Variants in MPHOSPH8 observed in about 807,000 individuals in gnomAD.
The protein encoded by MPHOSPH8 is M-phase phosphoprotein, mpp.
A neutral mutation model predicts 87.3 loss-of-function variants in MPHOSPH8; 45 were observed. The observed-to-expected ratio is 0.52, with a 90% confidence interval of 0.41 to 0.66. The LOEUF (loss-of-function observed/expected upper bound fraction) is 0.66. MPHOSPH8 is among the 30% of genes least tolerant of loss of function. The probability of loss-of-function intolerance (pLI) is 0.00; values close to 1 mark genes in which losing one functional copy is unlikely to be tolerated. For synonymous variants in MPHOSPH8, 366 were observed against 376.9 expected, an observed-to-expected ratio of 0.97 and a Z score of 0.33; for missense variants, 883 against 1,020.2, an observed-to-expected ratio of 0.87 and a Z score of 1.83.
intron 10 of MPHOSPH8, 85 bp from the exon 11 acceptor site, chr13:19,668,292 T>G (rs1054952395): frequency 3.3e-6 from 4 of 1,229,776 alleles, no homozygotes; most frequent in Non-Finnish European, 3.4e-6. Flanking sequence ...TTTGGAAGGT[T>G]GGCCTGGGAA....
chr13:19,648,354 G>T, intron 3 of MPHOSPH8, 68 bp from the exon 4 acceptor site: 1 of 980,450 alleles, frequency 1.0e-6, no homozygotes, highest in South Asian at 1.6e-5. Flanking sequence ...TGTATTTTCC[G>T]GTTCTCAAAT....
At chr13:19,656,960 A>C (rs1875214589) in intron 5 of MPHOSPH8, among the ~76,000 whole-genome samples, 1 of 147,820 alleles carries the variant, frequency 6.8e-6, no homozygotes, top group African/African-American at 2.5e-5. Flanking sequence ...CGTCTCTACT[A>C]AAAATACAAA....
intron 5 of MPHOSPH8, among the ~76,000 whole-genome samples, chr13:19,654,248 T>A (rs1875028528): frequency 6.6e-6 from 1 of 152,128 alleles, no homozygotes; most frequent in African/African-American, 2.4e-5. Flanking sequence ...ACACACTACA[T>A]GTTCTCACTC....
chr13:19,654,259 A>T lies in MPHOSPH8; in HGVS notation c.1576+3999A>T, dbSNP rs550197909. ...AAACACACACTACATGTTCTCACTC[A>T]TAAGTGGTAGTTGAACAAGGAGAAC... On this transcript the variant is annotated intron_variant, in intron 5 of 13. Transcript: ENST00000361479. Among the ~76,000 whole-genome samples, 8 of 152,306 alleles carry T rather than the reference A, an allele frequency of 5.3e-5. No homozygotes were observed. The East Asian group carries it at 5.8e-4, about 11-fold the overall frequency.
In MPHOSPH8 at chr13:19,652,286, A is replaced by C. The variant is rs1874893495; in HGVS notation, c.1576+2026A>C. ...GGGTGCAGCCCACGGAGGGTGAGCC[A>C]AAGCAGGGTCGGGCGTTGCCTCACC... On this transcript the variant is annotated intron_variant, in intron 5 of 13. Coordinates refer to ENST00000361479, the MANE Select transcript of MPHOSPH8 (RefSeq NM_017520.4). Among the ~76,000 whole-genome samples the C allele has an allele frequency of 1.3e-5, 2 of 152,176 alleles. 1 individual carries two copies. The highest frequency in any genetic ancestry group is 4.1e-4 in the South Asian group (2 of 4,830).
Position 19,673,010 on chromosome 13 carries a change from A to G in MPHOSPH8, c.*1135A>G. ...GGTCAAGGCTGCAGTGAGCCGTGAAAGGCCACTGCACTCCAGCCTGAGTGA... is the reference window on the plus strand; with the variant it reads ...GGTCAAGGCTGCAGTGAGCCGTGAAGGGCCACTGCACTCCAGCCTGAGTGA... On this transcript the variant is annotated 3_prime_UTR_variant, in exon 14 of 14. Coordinates refer to ENST00000361479, the MANE Select transcript of MPHOSPH8 (RefSeq NM_017520.4). 1 of 430,622 alleles carries G rather than the reference A, an allele frequency of 2.3e-6. No individual in the cohort carries two copies. Among genetic ancestry groups the G allele is most frequent in the Non-Finnish European group, 4.5e-6 (1 of 220,008 alleles). 26.7% of individuals were successfully genotyped at this position (430,622 alleles called of 1,614,324 possible).
At position 19,659,109 on chromosome 13, in the gene MPHOSPH8, C is replaced by G. The variant is rs746769123; in HGVS notation, c.1691C>G (p.Ala564Gly). 2.5e-6 allele frequency: 4 copies of G among 1,613,936 alleles called. No homozygotes were observed. Among genetic ancestry groups the G allele is most frequent in the Non-Finnish European group, 8.5e-7 (1 of 1,179,982 alleles). ...GKDENFAATD[A>G]IPSNVLRDAV... ...GATGAGAATTTTGCTGCAACAGATG[C>G]AATTCCAAGTAGTGAGTAGTTTTGG... Residue 564 changes from alanine (A) to glycine (G), a missense_variant, in exon 6 of 14, where the codon GCA becomes GGA. Around this residue, in one of 3 missense-constraint regions of MPHOSPH8, gnomAD observed 741 missense variants for 841.5 expected, o/e 0.88. Coordinates refer to ENST00000361479, the MANE Select transcript of MPHOSPH8 (RefSeq NM_017520.4).
chr13:19,655,943 C>T (rs1404301955), intron 5 of MPHOSPH8, among the ~76,000 whole-genome samples: 1 of 151,878 alleles, frequency 6.6e-6, no homozygotes, highest in Non-Finnish European at 1.5e-5. Flanking sequence ...TGAAACTCCA[C>T]TTCTACAAAA....
At chr13:19,642,898 AG>A (rs564338375) in intron 2 of MPHOSPH8, among the ~76,000 whole-genome samples, 19 of 152,198 alleles carry the variant, frequency 1.2e-4, no homozygotes, top group Non-Finnish European at 2.6e-4. Flanking sequence ...CAATAACAGA[AG>A]TGCCTGGCAT....
At chr13:19,671,329 T>C in intron 13 of MPHOSPH8, 40 bp downstream of exon 13, 1 of 1,551,596 alleles carries the variant, frequency 6.4e-7, no homozygotes, top group South Asian at 1.1e-5. Flanking sequence ...ACTACTCAAG[T>C]TGTTGCTCCA....
Position 19,633,753 on chromosome 13 carries a change from A to C in MPHOSPH8, c.5A>C (p.Glu2Ala). The change falls in exon 1 of 14, where the codon GAG becomes GCG. Residue 2 changes from glutamate to alanine, a missense_variant. Glu to Ala is a moderately radical substitution (Grantham distance 107). Coordinates refer to ENST00000361479, the MANE Select transcript of MPHOSPH8 (RefSeq NM_017520.4). ...GCGGTTTGCGGAGCTGCTAGGATGG[A>C]GCAGGTTGCGGAGGGAGCAAGGGTG... is the stretch of plus-strand genomic sequence containing the variant. Reference protein sequence around the residue: MEQVAEGARVTA... With the variant: MAQVAEGARVTA... The C allele has an allele frequency of 6.3e-7, 1 of 1,593,218 alleles. No homozygotes were observed. The highest frequency in any genetic ancestry group is 8.5e-7 in the Non-Finnish European group (1 of 1,170,590).
At chr13:19,655,307 C>A (rs1875093403) in intron 5 of MPHOSPH8, among the ~76,000 whole-genome samples, 1 of 151,926 alleles carries the variant, frequency 6.6e-6, no homozygotes, top group Non-Finnish European at 1.5e-5. Flanking sequence ...CCTGTCTGTA[C>A]AAAAAATTAA....
intron 8 of MPHOSPH8, among the ~76,000 whole-genome samples, 154 bp downstream of exon 8, chr13:19,661,992 A>C (rs920856710): frequency 2.0e-5 from 3 of 149,444 alleles, no homozygotes; most frequent in African/African-American, 7.4e-5. Context: ...CCGAGGCTGG[A>C]GTGCAGTGGC....
chr13:19,647,972 G>C (rs1874655864), intron 3 of MPHOSPH8, among the ~76,000 whole-genome samples: 1 of 152,066 alleles, frequency 6.6e-6, no homozygotes, highest in South Asian at 2.1e-4. Context: ...AGAAAATGCA[G>C]TGGAGAAGAA....
At chr13:19,664,489 A>G (rs1232921965) in intron 9 of MPHOSPH8, among the ~76,000 whole-genome samples, 1 of 152,198 alleles carries the variant, frequency 6.6e-6, no homozygotes. Context: ...GTTGAAGCTG[A>G]AGAAGGGTAG....
chr13:19,664,689 A>G (rs1302175276), intron 9 of MPHOSPH8, among the ~76,000 whole-genome samples: 3 of 152,080 alleles, frequency 2.0e-5, no homozygotes, highest in Non-Finnish European at 4.4e-5. Flanking sequence ...AGAGCTTGGT[A>G]ACTGGAGGTG....
At position 19,646,521 on chromosome 13, in the gene MPHOSPH8, C is replaced by A. The variant is rs371181258; in HGVS notation, c.448C>A (p.Pro150Thr). The stretch of plus-strand genomic sequence containing the variant: ...AAGTGAGACAAAAGAAGATACTTCC[C>A]CAAAGAAGAAAAAGAAAAAATTGAG... ...QQSETKEDTS[P>T]KKKKKKLRQR... The change falls in exon 3 of 14, where the codon CCA becomes ACA. Residue 150 changes from proline to threonine, a missense_variant. Physicochemically the swap from Pro to Thr is conservative, Grantham distance 38 (BLOSUM62 -1). Around this residue, in one of 3 missense-constraint regions of MPHOSPH8, gnomAD observed 741 missense variants for 841.5 expected, o/e 0.88. Coordinates refer to ENST00000361479, the MANE Select transcript of MPHOSPH8 (RefSeq NM_017520.4). The A allele has an allele frequency of 6.4e-7, 1 of 1,570,456 alleles. No homozygotes were observed. The highest frequency in any genetic ancestry group is 1.4e-5 in the African/African-American group (1 of 72,086).
intron 9 of MPHOSPH8, among the ~76,000 whole-genome samples, chr13:19,664,984 C>T (rs1373266643): frequency 2.9e-4 from 44 of 152,004 alleles, no homozygotes; most frequent in Admixed American, 2.9e-3. Flanking sequence ...AAGTGGTCCA[C>T]GGGCTGGCAG....
At position 19,650,149 on chromosome 13, in the gene MPHOSPH8, T is replaced by C. The variant is rs1233482528; in HGVS notation, c.1465T>C (p.Ser489Pro). ...DDHKTKENKQSLKERRNTRDE... is the reference protein window; with the variant it reads ...DDHKTKENKQPLKERRNTRDE... ...TCACAAAACCAAGGAAAACAAACAG[T>C]CACTTAAAGAAAGGAGAAACACCAG... The change falls in exon 5 of 14, where the codon TCA becomes CCA. Residue 489 changes from serine (S) to proline (P), a missense_variant. Around this residue, in one of 3 missense-constraint regions of MPHOSPH8, gnomAD observed 741 missense variants for 841.5 expected, o/e 0.88. Transcript: ENST00000361479. 1 of 1,614,046 alleles carries C rather than the reference T, an allele frequency of 6.2e-7. No individual in the cohort carries two copies. Among genetic ancestry groups the C allele is most frequent in the East Asian group, 2.2e-5 (1 of 44,874 alleles).
Sources: gnomAD v4.1 joint callset for allele counts (sites outside exome capture counted in the v4.1 genomes callset) on GRCh38, gnomAD v4.1.1 for gene constraint, gnomAD v4.1.1 regional missense constraint, MANE v1.5 for transcripts, NCBI Gene and HGNC (gene_info 2026-07-23, HGNC 2026-07-21) for gene names.